AFAP1: variants seen among roughly 807,000 people sequenced by gnomAD.
AFAP1 encodes actin filament associated protein 1, also known as actin filament-associated protein 1.
Under a neutral mutation model 93.9 loss-of-function variants are expected in AFAP1, and 75 were observed. The ratio of observed to expected loss-of-function variants is 0.80; its 90% CI spans 0.66 to 0.97. The LOEUF is 0.97. AFAP1 is among the 50% of genes least tolerant of loss of function. The probability of loss-of-function intolerance (pLI) is 0.00; values close to 1 mark genes in which losing one functional copy is unlikely to be tolerated. For synonymous variants in AFAP1, 517 were observed against 430.7 expected (o/e 1.20, Z -2.48); for missense variants, 1,201 against 1,050.8 (o/e 1.14, Z -1.98).
chr4:7,879,719 T>C (rs1339700921), intron 1 of AFAP1, among the ~76,000 whole-genome samples: 2 of 145,422 alleles, frequency 1.4e-5, no homozygotes, highest in Non-Finnish European at 3.0e-5. Flanking sequence ...TTTTTTTTTG[T>C]GAGACAGGGT....
intron 2 of AFAP1, among the ~76,000 whole-genome samples, chr4:7,869,853 C>G (rs552430643): frequency 1.3e-5 from 2 of 152,106 alleles, no homozygotes; most frequent in Non-Finnish European, 2.9e-5. Context: ...AAATGACACA[C>G]ACACACACAC....
chr4:7,875,148 G>A (rs970078249), intron 1 of AFAP1, among the ~76,000 whole-genome samples: 6 of 152,118 alleles, frequency 3.9e-5, no homozygotes, highest in Non-Finnish European at 7.4e-5. Context: ...CATGCAAAAA[G>A]CCTAAGCAAA....
intron 1 of AFAP1, among the ~76,000 whole-genome samples, chr4:7,911,741 C>T (rs559852723): frequency 6.6e-6 from 1 of 152,324 alleles, no homozygotes; most frequent in Admixed American, 6.5e-5. Context: ...CGGGTCCCTC[C>T]AGGGATTTCT....
chr4:7,796,142 C>A (rs1196954714), intron 10 of AFAP1, among the ~76,000 whole-genome samples: 1 of 152,108 alleles, frequency 6.6e-6, no homozygotes, highest in East Asian at 1.9e-4. Flanking sequence ...GGCCCGCCGG[C>A]AGAAGTGAGC....
chr4:7,893,419 A>G (rs1718586240), intron 1 of AFAP1, among the ~76,000 whole-genome samples: 1 of 151,996 alleles, frequency 6.6e-6, no homozygotes, highest in South Asian at 2.1e-4. Flanking sequence ...TCTCTACTAA[A>G]AAATACAAAA....
chr4:7,883,579 A>G (rs888591184), intron 1 of AFAP1, among the ~76,000 whole-genome samples: 1 of 152,216 alleles, frequency 6.6e-6, no homozygotes, highest in African/African-American at 2.4e-5. Context: ...ACTTAAAAAA[A>G]ATTATTTCTA....
intron 1 of AFAP1, among the ~76,000 whole-genome samples, chr4:7,917,279 A>G (rs1194653657): frequency 6.6e-6 from 1 of 152,156 alleles, no homozygotes; most frequent in East Asian, 1.9e-4. Flanking sequence ...TCATGAAAGG[A>G]TATCCATGTA....
chr4:7,887,475 C>A (rs927586481), intron 1 of AFAP1, among the ~76,000 whole-genome samples: 6 of 152,082 alleles, frequency 3.9e-5, no homozygotes, highest in African/African-American at 7.2e-5. Context: ...TCTACTCTGA[C>A]AAATCAATTA....
At chr4:7,923,514 C>G (rs1720550086) in intron 1 of AFAP1, among the ~76,000 whole-genome samples, 1 of 152,190 alleles carries the variant, frequency 6.6e-6, no homozygotes, top group Non-Finnish European at 1.5e-5. Flanking sequence ...GAGTCTCGCT[C>G]TGTCACCAGG....
intron 3 of AFAP1, among the ~76,000 whole-genome samples, chr4:7,861,390 C>T (rs923838139): frequency 6.6e-6 from 1 of 152,206 alleles, no homozygotes; most frequent in Non-Finnish European, 1.5e-5. Flanking sequence ...ATAGTTTAAG[C>T]TGCGAAAATG....
Position 7,778,154 on chromosome 4 carries a change from G to A in AFAP1, c.1897+608C>T, listed in dbSNP as rs1260195782. The A allele has an allele frequency of 6.5e-5, 10 of 153,728 alleles. No individual in the cohort carries two copies. In the South Asian group the frequency reaches 1.2e-3, roughly 19 times the overall value. 9.5% of individuals were successfully genotyped at this position (153,728 alleles called of 1,614,324 possible). A position where few individuals can be genotyped will look rare whatever the true frequency, so the allele number is the denominator to read the frequency against. ...CCTTGGGGGAGCTGCTTACTCTCTT[G>A]GTGATTCTTTTCTCATTTCTATGAT... On this transcript the variant is annotated intron_variant, in intron 14 of 17. Transcript: ENST00000420658.
chr4:7,905,055 C>T (rs866997225), intron 1 of AFAP1, among the ~76,000 whole-genome samples: 24 of 152,286 alleles, frequency 1.6e-4, no homozygotes, highest in African/African-American at 5.1e-4. Flanking sequence ...AGGGAGAGAA[C>T]AGAGACTGCA....
chr4:7,769,549 A>G (rs192440617), intron 16 of AFAP1, among the ~76,000 whole-genome samples: 1 of 151,828 alleles, frequency 6.6e-6, no homozygotes, highest in Admixed American at 6.6e-5. Context: ...CCAAAGGAGG[A>G]GGTGTTCAGG....
chr4:7,877,411 TC>T (rs769960679), intron 1 of AFAP1, among the ~76,000 whole-genome samples: 1 of 152,238 alleles, frequency 6.6e-6, no homozygotes, highest in Non-Finnish European at 1.5e-5. Context: ...CAGCTTTTAG[TC>T]TGCTTTTCTT....
intron 4 of AFAP1, among the ~76,000 whole-genome samples, chr4:7,847,793 C>CGTGGGG (rs1553845891): frequency 9.8e-6 from 1 of 102,002 alleles, no homozygotes; most frequent in East Asian, 2.7e-4. Context: ...CAGGGGTACT[C>CGTGGGG]GGGGTGGGGC....
At chr4:7,815,376 C>T (rs971817324) in intron 8 of AFAP1, among the ~76,000 whole-genome samples, 2 of 152,224 alleles carry the variant, frequency 1.3e-5, no homozygotes, top group Non-Finnish European at 2.9e-5. Flanking sequence ...CTGAACTGTA[C>T]ACTGAGACAT....
At chr4:7,920,942 C>T (rs1720407468) in intron 1 of AFAP1, among the ~76,000 whole-genome samples, 1 of 151,532 alleles carries the variant, frequency 6.6e-6, no homozygotes, top group Admixed American at 6.6e-5. Flanking sequence ...ATTAACTTGT[C>T]AAAAGCTAAA....
At chr4:7,777,506 A>C (rs1212713934) in intron 14 of AFAP1, 1 of 152,236 alleles carries the variant, frequency 6.6e-6, no homozygotes, top group Non-Finnish European at 1.5e-5. Context: ...CTCCAACTCC[A>C]AAAGTGGAAC....
intron 11 of AFAP1, among the ~76,000 whole-genome samples, chr4:7,787,638 G>A (rs942440099): frequency 6.6e-6 from 1 of 152,188 alleles, no homozygotes. Context: ...AGACCTGCCC[G>A]TTTAGTGGCC....
Sources: gnomAD v4.1 joint callset for allele counts (sites outside exome capture counted in the v4.1 genomes callset) on GRCh38, gnomAD v4.1.1 for gene constraint, MANE v1.5 for transcripts, NCBI Gene and HGNC (gene_info 2026-07-23, HGNC 2026-07-21) for gene names.